Variants in ZNF8 observed in about 807,000 individuals in gnomAD.
ZNF8 encodes zinc finger protein 272.
Under a neutral mutation model 12.2 loss-of-function variants are expected in ZNF8, and 9 were observed. The ratio of observed to expected loss-of-function variants is 0.73; its 90% CI spans 0.44 to 1.28. The LOEUF (loss-of-function observed/expected upper bound fraction) is 1.28, where lower values mean the gene tolerates loss of function less well. Ranked by LOEUF, ZNF8 falls within the 50% of genes most tolerant of loss-of-function variation. ZNF8 has a pLI of 0.00. For missense variants in ZNF8, 664 were observed against 729.1 expected, an observed-to-expected ratio of 0.91 and a Z score of 1.03; for synonymous variants, 274 against 282.3, an observed-to-expected ratio of 0.97 and a Z score of 0.30.
Position 58,294,543 on chromosome 19 carries a change from G to C in ZNF8, c.735G>C (p.Thr245=), listed in dbSNP as rs377349861. 1 of 1,614,006 alleles carries C rather than the reference G, an allele frequency of 6.2e-7. No individual in the cohort carries two copies. The highest frequency in any genetic ancestry group is 1.3e-5 in the African/African-American group (1 of 74,898). The stretch of plus-strand genomic sequence containing the variant: ...ATTCCAGTCAGGCCATTCCAATTAC[G>C]GAACTCACAAAAAGCCAGGTGCAGG... The part of the protein sequence containing the change: ...HRDSSQAIPI[T]ELTKSQVQDK... The change falls in exon 4 of 4, where the codon ACG becomes ACC. Residue 245 remains threonine, a synonymous_variant. Coordinates refer to ENST00000621650, the MANE Select transcript of ZNF8 (RefSeq NM_021089.3). The surrounding 1 kb of genome is among the most constrained non-coding windows in gnomAD (Gnocchi z 5.5).
Position 58,294,919 on chromosome 19 carries a change from T to C in ZNF8, c.1111T>C (p.Cys371Arg). The C allele has an allele frequency of 3.1e-6, 5 of 1,614,194 alleles. No homozygotes were observed. Among genetic ancestry groups the C allele is most frequent in the Non-Finnish European group, 4.2e-6 (5 of 1,180,022 alleles). ...RTHTGEKPYT[C>R]SVCGKSFSRT... ...ACACACTGGGGAGAAGCCATACACCTGCAGTGTGTGTGGGAAATCCTTCTC... is the reference window on the plus strand; with the variant it reads ...ACACACTGGGGAGAAGCCATACACCCGCAGTGTGTGTGGGAAATCCTTCTC... Residue 371 changes from cysteine to arginine, a missense_variant, in exon 4 of 4, where the codon TGC (cysteine) becomes CGC (arginine). Coordinates refer to ENST00000621650, the MANE Select transcript of ZNF8 (RefSeq NM_021089.3). The surrounding 1 kb of genome is among the most constrained non-coding windows in gnomAD (Gnocchi z 5.5).
chr19:58,294,637 A>G lies in ZNF8; in HGVS notation c.829A>G (p.Arg277Gly). The change falls in exon 4 of 4, where the codon AGG becomes GGG. Residue 277 changes from arginine to glycine, a missense_variant. Coordinates refer to ENST00000621650, the MANE Select transcript of ZNF8 (RefSeq NM_021089.3). The surrounding 1 kb of genome is among the most constrained non-coding windows in gnomAD (Gnocchi z 5.5). ...TAACGCACACCTCACCGTGCACAAG[A>G]GGATTCATACGGGAGAAAGACCTTA... ...NHNAHLTVHK[R>G]IHTGERPYMC... The G allele has an allele frequency of 1.2e-6, 2 of 1,614,152 alleles. No homozygotes were observed. The highest frequency in any genetic ancestry group is 1.7e-6 in the Non-Finnish European group (2 of 1,180,038).
At position 58,297,169 on chromosome 19, in the gene ZNF8, G is replaced by A. The variant is rs2051460667; in HGVS notation, c.*1633G>A. On this transcript the variant is annotated 3_prime_UTR_variant, in exon 4 of 4. Transcript: ENST00000621650. ...AATCGCTTGAACCTGGGAGGCAGAGGTTTCAGTGAACCGAGATTGCACCAC... is the reference window on the plus strand; with the variant it reads ...AATCGCTTGAACCTGGGAGGCAGAGATTTCAGTGAACCGAGATTGCACCAC... 2 of 151,890 alleles carry A rather than the reference G, an allele frequency of 1.3e-5. No homozygotes were observed. 9.4% of individuals were successfully genotyped at this position (151,890 alleles called of 1,614,324 possible).
At position 58,295,367 on chromosome 19, in the gene ZNF8, C is replaced by G. The variant is rs766484701; in HGVS notation, c.1559C>G (p.Ser520Cys). The change falls in exon 4 of 4, where the codon TCC becomes TGC. Residue 520 changes from serine (S) to cysteine (C), a missense_variant. By Grantham distance (112) the Ser-to-Cys change is moderately radical (BLOSUM62 -1). This residue lies in a region of ZNF8 where 225 missense variants were observed against 222.0 expected (regional missense o/e 1.01). Coordinates refer to ENST00000621650, the MANE Select transcript of ZNF8 (RefSeq NM_021089.3). ...SHLVQHQHPN[S>C]RKSSAGGAKA... ...CTGGTTCAGCATCAACACCCGAACT[C>G]CAGAAAGAGCTCTGCAGGCGGAGCA... 10 of 1,614,154 alleles carry G rather than the reference C, an allele frequency of 6.2e-6. No individual in the cohort carries two copies. The highest frequency in any genetic ancestry group is 2.2e-5 in the East Asian group (1 of 44,886).
rs774142178 is a variant in ZNF8 at position 58,295,475 on chromosome 19, T to G, written c.1667T>G (p.Ile556Ser). 3 of 1,612,886 alleles carry G rather than the reference T, an allele frequency of 1.9e-6. No individual in the cohort carries two copies. Among genetic ancestry groups the G allele is most frequent in the Non-Finnish European group, 2.5e-6 (3 of 1,179,642 alleles). ...CAAGAGAAAAACCCTGTGCACGTTA[T>G]TGGGGTGGAAGAGCCTTCTGTGGGT... The part of the protein sequence containing the change: ...IMQEKNPVHV[I>S]GVEEPSVGAS... The change falls in exon 4 of 4, where the codon ATT becomes AGT. Residue 556 changes from isoleucine (I) to serine (S), a missense_variant. This residue lies in a region of ZNF8 where 225 missense variants were observed against 222.0 expected (regional missense o/e 1.01). Transcript: ENST00000621650.
In ZNF8 at chr19:58,295,330, A is replaced by C. The variant is rs1034552456; in HGVS notation, c.1522A>C (p.Arg508=). The change falls in exon 4 of 4, where the codon AGG becomes CGG. Residue 508 remains arginine, a synonymous_variant. Coordinates refer to ENST00000621650, the MANE Select transcript of ZNF8 (RefSeq NM_021089.3). ...CCGGCGGCGTGAACAATCCTCGAGC[A>C]GGAACTCACACCTGGTTCAGCATCA... ...RSRRREQSSS[R]NSHLVQHQHP... The C allele has an allele frequency of 6.2e-7, 1 of 1,614,098 alleles. No homozygotes were observed. The highest frequency in any genetic ancestry group is 8.5e-7 in the Non-Finnish European group (1 of 1,180,022).
chr19:58,280,837 G>T (rs1385168690), intron 1 of ZNF8, among the ~76,000 whole-genome samples: 1 of 152,152 alleles, frequency 6.6e-6, no homozygotes, highest in Non-Finnish European at 1.5e-5. Flanking sequence ...TTGCCTCATG[G>T]CCCTTTGCCT....
intron 1 of ZNF8, chr19:58,279,450 C>T (rs1363786143): frequency 1.0e-5 from 15 of 1,452,394 alleles, no homozygotes; most frequent in Middle Eastern, 2.5e-4. Context: ...CTGCTCCGCC[C>T]CGCCGACACC....
At chr19:58,284,102 T>C (rs2051368197) in intron 1 of ZNF8, among the ~76,000 whole-genome samples, 1 of 152,034 alleles carries the variant, frequency 6.6e-6, no homozygotes, top group Admixed American at 6.5e-5. Context: ...CGTGCACCTG[T>C]AGTCCTAGCT....
chr19:58,279,798 T>C, intron 1 of ZNF8: 1 of 1,452,984 alleles, frequency 6.9e-7, no homozygotes, highest in Non-Finnish European at 9.1e-7. Context: ...GGTTGCGGCC[T>C]GTGTTCTCCA....
chr19:58,285,498 G>A (rs1407276721), intron 1 of ZNF8, among the ~76,000 whole-genome samples: 3 of 152,148 alleles, frequency 2.0e-5, no homozygotes, highest in Non-Finnish European at 4.4e-5. Context: ...TCTGCCTGGC[G>A]TTGTTGATCT....
Position 58,296,469 on chromosome 19 carries a change from A to G in ZNF8, c.*933A>G, listed in dbSNP as rs2051456186. 6.6e-6 allele frequency: 1 copy of G among 152,056 alleles called. No individual in the cohort carries two copies. The allele number at this position is 152,056 out of a possible 1,614,324, so 9.4% of individuals were successfully genotyped here. A position where few individuals can be genotyped will look rare whatever the true frequency, so the allele number is the denominator to read the frequency against. ...TGGAGTGCAATGGCGCAGTCTGCTC[A>G]CCACAACCTCCGCCTCCCAGGTTAA... is the stretch of plus-strand genomic sequence containing the variant. On this transcript the variant is annotated 3_prime_UTR_variant, in exon 4 of 4. Coordinates refer to ENST00000621650, the MANE Select transcript of ZNF8 (RefSeq NM_021089.3).
At chr19:58,290,577 G>T (rs1238622977) in intron 3 of ZNF8, among the ~76,000 whole-genome samples, 1 of 151,960 alleles carries the variant, frequency 6.6e-6, no homozygotes, top group East Asian at 1.9e-4. Flanking sequence ...CTAGTCAATA[G>T]AAGAAGACCG....
At position 58,294,786 on chromosome 19, in the gene ZNF8, A is replaced by G. The variant is rs2051442811; in HGVS notation, c.978A>G (p.Thr326=). 4.3e-6 allele frequency: 7 copies of G among 1,614,040 alleles called. No individual in the cohort carries two copies. Among genetic ancestry groups the G allele is most frequent in the Non-Finnish European group, 5.1e-6 (6 of 1,180,010 alleles). Residue 326 remains threonine, a synonymous_variant, in exon 4 of 4, where the codon ACA becomes ACG. Transcript: ENST00000621650. This position sits in a 1 kb window ranked among gnomAD's most constrained non-coding sequence, Gnocchi z 5.5. ...AECGKSFCHS[T]HLTVHRRIHT... Reference sequence around the variant, plus strand: ...GTGGGAAGTCTTTCTGCCATAGTACACACCTTACCGTCCATCGGAGGATTC... The same window carrying G: ...GTGGGAAGTCTTTCTGCCATAGTACGCACCTTACCGTCCATCGGAGGATTC...
chr19:58,286,866 T>C (rs1182734749), intron 3 of ZNF8: 1 of 152,480 alleles, frequency 6.6e-6, no homozygotes, highest in Non-Finnish European at 1.5e-5. Flanking sequence ...TCACCTGTGC[T>C]CCAGTGCTGA....
Position 58,295,601 on chromosome 19 carries a change from T to C in ZNF8, c.*65T>C. On this transcript the variant is annotated 3_prime_UTR_variant, in exon 4 of 4. Coordinates refer to ENST00000621650, the MANE Select transcript of ZNF8 (RefSeq NM_021089.3). ...AATGTGGTAAGTCCACATAGTGTAC[T>C]CATGGAAGGAGGGGCTGGGGGTAGA... 7.5e-7 allele frequency: 1 copy of C among 1,333,466 alleles called. No individual in the cohort carries two copies. Among genetic ancestry groups the C allele is most frequent in the Non-Finnish European group, 1.0e-6 (1 of 969,438 alleles). 82.6% of individuals were successfully genotyped at this position (1,333,466 alleles called of 1,614,324 possible).
At position 58,296,878 on chromosome 19, in the gene ZNF8, T is replaced by C. The variant is rs1320581390; in HGVS notation, c.*1342T>C. ...AAGGATTCTCTAGCTCAAATGTCAA[T>C]AGTGCCAAGGTGGAGAAGCCACCTG... On this transcript the variant is annotated 3_prime_UTR_variant, in exon 4 of 4. Coordinates refer to ENST00000621650, the MANE Select transcript of ZNF8 (RefSeq NM_021089.3). The C allele has an allele frequency of 1.3e-5, 2 of 152,180 alleles. No individual in the cohort carries two copies. The highest frequency in any genetic ancestry group is 2.9e-5 in the Non-Finnish European group (2 of 68,066). The allele number at this position is 152,180 out of a possible 1,614,324, so 9.4% of individuals were successfully genotyped here. A position where few individuals can be genotyped will look rare whatever the true frequency, so the allele number is the denominator to read the frequency against.
In ZNF8 at chr19:58,294,280, C is replaced by G; in HGVS notation, c.472C>G (p.Gln158Glu). ...ACTCAAGGAGCAGAATAACTTGAAG[C>G]AGTTGGAATTTGGCCTCAAGGAAGC... ...LALKEQNNLK[Q>E]LEFGLKEAPV... Residue 158 changes from glutamine (Q) to glutamate (E), a missense_variant, in exon 4 of 4, where the codon CAG (glutamine) becomes GAG (glutamate). Physicochemically the swap from Gln to Glu is conservative, Grantham distance 29. Coordinates refer to ENST00000621650, the MANE Select transcript of ZNF8 (RefSeq NM_021089.3). The surrounding 1 kb of genome is among the most constrained non-coding windows in gnomAD (Gnocchi z 5.5). 1 of 1,614,052 alleles carries G rather than the reference C, an allele frequency of 6.2e-7. No homozygotes were observed. The highest frequency in any genetic ancestry group is 8.5e-7 in the Non-Finnish European group (1 of 1,179,998).
intron 3 of ZNF8, among the ~76,000 whole-genome samples, chr19:58,290,530 G>A (rs1175523434): frequency 6.6e-6 from 1 of 152,064 alleles, no homozygotes; most frequent in Non-Finnish European, 1.5e-5. Context: ...AAAATAGAGA[G>A]TAAATTTTTT....
Sources: gnomAD v4.1 joint callset for allele counts (sites outside exome capture counted in the v4.1 genomes callset) on GRCh38, gnomAD v4.1.1 for gene constraint, gnomAD v4.1.1 regional missense constraint, Gnocchi (gnomAD v3.1) non-coding constraint, MANE v1.5 for transcripts, NCBI Gene and HGNC (gene_info 2026-07-23, HGNC 2026-07-21) for gene names.